MMS22L: variants seen among roughly 807,000 people sequenced by gnomAD.
The protein encoded by MMS22L is protein MMS22-like.
MMS22L carries 74 observed loss-of-function variants against 159.1 expected under a neutral mutation model. The ratio of observed to expected loss-of-function variants is 0.47; its 90% CI spans 0.39 to 0.56. The LOEUF (loss-of-function observed/expected upper bound fraction) is 0.56. Among genes scored for constraint, MMS22L ranks in the 20% least tolerant of loss-of-function variants. MMS22L has a pLI of 0.00. For missense variants in MMS22L, 1,351 were observed against 1,422.1 expected (o/e 0.95, Z 0.80); for synonymous variants, 517 against 506.9 (o/e 1.02, Z -0.27).
At chr6:97,173,979 C>T (rs920409324) in intron 18 of MMS22L, among the ~76,000 whole-genome samples, 5 of 102,544 alleles carry the variant, frequency 4.9e-5, no homozygotes, top group Admixed American at 2.6e-4. Flanking sequence ...GTGGCCGGTG[C>T]GGTGGCTCCT....
chr6:97,183,251 T>C (rs1035508591), intron 15 of MMS22L, among the ~76,000 whole-genome samples: 3 of 152,178 alleles, frequency 2.0e-5, no homozygotes, highest in African/African-American at 7.2e-5. Flanking sequence ...CTTGTCTCCA[T>C]GCCTTCCCTG....
intron 2 of MMS22L, 92 bp from the exon 3 acceptor site, chr6:97,281,454 A>G: frequency 9.4e-7 from 1 of 1,058,722 alleles, no homozygotes; most frequent in Non-Finnish European, 1.3e-6. Flanking sequence ...TCCATATTAT[A>G]CATGACATGT....
At chr6:97,196,125 A>C (rs1404764553) in intron 14 of MMS22L, among the ~76,000 whole-genome samples, 2 of 152,222 alleles carry the variant, frequency 1.3e-5, no homozygotes, top group East Asian at 3.8e-4. Flanking sequence ...AGATCATCTT[A>C]ATGAACACGT....
At chr6:97,165,956 T>C (rs1802922865) in intron 20 of MMS22L, among the ~76,000 whole-genome samples, 1 of 152,140 alleles carries the variant, frequency 6.6e-6, no homozygotes, top group African/African-American at 2.4e-5. Flanking sequence ...GAATAACAAT[T>C]TACTTAGTTT....
At chr6:97,174,270 A>AAAAAAT (rs1562418399) in intron 18 of MMS22L, among the ~76,000 whole-genome samples, 14 of 150,392 alleles carry the variant, frequency 9.3e-5, no homozygotes, top group Non-Finnish European at 1.8e-4. Context: ...TAAAAAAAAA[A>AAAAAAT]AAAAAATAAA....
intron 14 of MMS22L, among the ~76,000 whole-genome samples, chr6:97,189,387 C>T: frequency 6.6e-6 from 1 of 150,544 alleles, no homozygotes; most frequent in Admixed American, 6.6e-5. Flanking sequence ...TAGTGAAACC[C>T]CATCTCTATT....
At position 97,145,024 on chromosome 6, in the gene MMS22L, C is replaced by CCACACACACACACA. The variant is rs3839355; in HGVS notation, c.*1768_*1781dup. 6 of 67,566 alleles carry CCACACACACACACA rather than the reference C, an allele frequency of 8.9e-5. No individual in the cohort carries two copies. Among genetic ancestry groups the CCACACACACACACA allele is most frequent in the African/African-American group, 3.5e-4 (5 of 14,326 alleles). The allele number at this position is 67,566 out of a possible 1,614,324, so 4.2% of individuals were successfully genotyped here. The stretch of plus-strand genomic sequence containing the variant: ...TCAATCTCCTTTGGAAAAAAAAAAC[C>CCACACACACACACA]CACACACACACACACACACACACAC... On this transcript the variant is annotated 3_prime_UTR_variant, in exon 25 of 25. Transcript: ENST00000683635.
chr6:97,187,028 A>AATT (rs1805313927), intron 14 of MMS22L, among the ~76,000 whole-genome samples: 1 of 152,252 alleles, frequency 6.6e-6, no homozygotes, highest in Admixed American at 6.5e-5. Flanking sequence ...ACATGAAAAC[A>AATT]ATTTTTAAAA....
intron 22 of MMS22L, among the ~76,000 whole-genome samples, chr6:97,152,499 A>G (rs879284675): frequency 9.2e-5 from 14 of 152,098 alleles, no homozygotes; most frequent in South Asian, 2.1e-4. Context: ...AGAAAACCCA[A>G]TATGTTCTGA....
chr6:97,281,167 G>A lies in MMS22L; in HGVS notation c.290+70C>T, dbSNP rs917758571. 7 of 1,452,546 alleles carry A rather than the reference G, an allele frequency of 4.8e-6. No individual in the cohort carries two copies. The African/African-American group carries it at 5.7e-5, about 12-fold the overall frequency. The allele number at this position is 1,452,546 out of a possible 1,614,324, so 90.0% of individuals were successfully genotyped here. The stretch of plus-strand genomic sequence containing the variant: ...GTCTTTTGTAATATCAGTATTAGAA[G>A]CCACCCAACAACGTAATTTACAAAA... On this transcript the variant is annotated intron_variant, in intron 3 of 24. Coordinates refer to ENST00000683635, the MANE Select transcript of MMS22L (RefSeq NM_001350599.2).
intron 20 of MMS22L, 104 bp downstream of exon 20, chr6:97,167,967 G>C (rs938446350): frequency 3.1e-6 from 3 of 967,388 alleles, no homozygotes; most frequent in Middle Eastern, 2.3e-4. Flanking sequence ...AAGCATTTGA[G>C]ATTATAATGT....
chr6:97,226,378 T>C (rs1810250104), intron 14 of MMS22L, among the ~76,000 whole-genome samples: 1 of 152,128 alleles, frequency 6.6e-6, no homozygotes, highest in Non-Finnish European at 1.5e-5. Context: ...GTGGATCACC[T>C]GAGGTCAGGA....
At chr6:97,261,147 T>C (rs1814434366) in intron 9 of MMS22L, 1 of 152,232 alleles carries the variant, frequency 6.6e-6, no homozygotes, top group African/African-American at 2.4e-5. Flanking sequence ...CTTCTCAGAG[T>C]AGTTTTTCTC....
chr6:97,236,244 G>A (rs776208314), intron 11 of MMS22L, among the ~76,000 whole-genome samples: 2 of 149,260 alleles, frequency 1.3e-5, no homozygotes, highest in African/African-American at 5.0e-5. Context: ...CAGGAAAATC[G>A]CTTGAACCCG....
Position 97,182,050 on chromosome 6 carries a change from A to C in MMS22L, c.2238T>G (p.Phe746Leu), listed in dbSNP as rs754541113. The stretch of plus-strand genomic sequence containing the variant: ...TTGGCATGTCCATTGCTAGCAAAGT[A>C]AAGTCTAGATTCAAAATGAGAGAAA... ...FSQLADAAAD[F>L]TLLAMDMPST... The change falls in exon 16 of 25, where the codon TTT becomes TTG. Residue 746 changes from phenylalanine to leucine, a missense_variant. Transcript: ENST00000683635. 25 of 1,608,978 alleles carry C rather than the reference A, an allele frequency of 1.6e-5. No individual in the cohort carries two copies. Among genetic ancestry groups the C allele is most frequent in the East Asian group, 2.2e-5 (1 of 44,830 alleles).
chr6:97,229,242 G>A lies in MMS22L; in HGVS notation c.1691C>T (p.Thr564Met), dbSNP rs9481410. 1,150,344 of 1,613,638 alleles carry A rather than the reference G, an allele frequency of 0.71. 419,928 individuals carry two copies. The highest frequency in any genetic ancestry group is 0.76 in the Non-Finnish European group (891,461 of 1,179,834). Residue 564 changes from threonine to methionine, a missense_variant, in exon 14 of 25, where the codon ACG becomes ATG. Thr to Met is a moderately conservative substitution (Grantham distance 81). Transcript: ENST00000683635. Reference sequence around the variant, plus strand: ...CTTCCAAATGAGGGCTCTCTGAGACGTTACAAAAGCAGGCTTGAGGAAATT... The same window carrying A: ...CTTCCAAATGAGGGCTCTCTGAGACATTACAAAAGCAGGCTTGAGGAAATT... ...LLNFLKPAFV[T>M]SQRALIWKGH...
chr6:97,228,940 G>A lies in MMS22L; in HGVS notation c.1993C>T (p.Leu665Phe). The change falls in exon 14 of 25, where the codon CTT becomes TTT. Residue 665 changes from leucine (L) to phenylalanine (F), a missense_variant. Physicochemically the swap from Leu to Phe is conservative, Grantham distance 22. Coordinates refer to ENST00000683635, the MANE Select transcript of MMS22L (RefSeq NM_001350599.2). ...TGTAGGAAGCTCAATACTGTCCTAA[G>A]TTCAGATTCTCGACATGCTCGCAGA... The part of the protein sequence containing the change: ...MLLRACRESE[L>F]RTVLSFLQAV... The A allele has an allele frequency of 1.2e-6, 2 of 1,614,072 alleles. No homozygotes were observed. Among genetic ancestry groups the A allele is most frequent in the Non-Finnish European group, 1.7e-6 (2 of 1,179,998 alleles).
chr6:97,155,520 G>C (rs1171792523), intron 22 of MMS22L, among the ~76,000 whole-genome samples: 1 of 151,948 alleles, frequency 6.6e-6, no homozygotes, highest in Non-Finnish European at 1.5e-5. Context: ...GTGTCCATGT[G>C]TACTCATTGT....
chr6:97,246,700 G>C lies in MMS22L; in HGVS notation c.1120-10C>G. The C allele has an allele frequency of 6.7e-6, 10 of 1,487,510 alleles. No homozygotes were observed. Among genetic ancestry groups the C allele is most frequent in the African/African-American group, 2.1e-5 (1 of 47,472 alleles). 92.1% of individuals were successfully genotyped at this position (1,487,510 alleles called of 1,614,324 possible). On this transcript the variant is annotated splice_polypyrimidine_tract_variant and intron_variant, in intron 10 of 24. Transcript: ENST00000683635. The stretch of plus-strand genomic sequence containing the variant: ...TTGATTCCACTTTTCTCTAGAAAGG[G>C]AGAAAATAGTGCATCAAAATTATTG...
Sources: gnomAD v4.1 joint callset for allele counts (sites outside exome capture counted in the v4.1 genomes callset) on GRCh38, gnomAD v4.1.1 for gene constraint, MANE v1.5 for transcripts, NCBI Gene and HGNC (gene_info 2026-07-23, HGNC 2026-07-21) for gene names.